ANKRD24: variants seen among roughly 807,000 people sequenced by gnomAD.
ANKRD24 encodes the protein ankyrin repeat domain 24, also known as ankyrin repeat domain-containing protein 24.
ANKRD24 carries 109 observed loss-of-function variants against 127.8 expected under a neutral mutation model. That is an observed-to-expected ratio of 0.85 (90% CI 0.73 to 1.00). The LOEUF (loss-of-function observed/expected upper bound fraction) is 1.00. ANKRD24 is among the 50% of genes least tolerant of loss of function. The pLI, the probability that ANKRD24 is intolerant of heterozygous loss-of-function variation, is 0.00. For missense variants in ANKRD24, 1,648 were observed against 1,570.2 expected (o/e 1.05, Z -0.84); for synonymous variants, 743 against 671.1 (o/e 1.11, Z -1.66).
rs749955664 is a variant in ANKRD24, at chr19:4,219,700, G to T, written c.3113G>T (p.Arg1038Leu). Residue 1038 changes from arginine (R) to leucine (L), a missense_variant, in exon 19 of 22, where the codon CGC (arginine) becomes CTC (leucine). Physicochemically the swap from Arg to Leu is moderately radical, Grantham distance 102 (BLOSUM62 -2). Transcript: ENST00000318934. The part of the protein sequence containing the change: ...RGLRTEAERA[R>L]QAQSRAQEAL... ...CTACGGACCGAGGCGGAAAGGGCTC[G>T]CCAGGCCCAGAGCCGGGCCCAGGAG... 19 of 1,613,594 alleles carry T rather than the reference G, an allele frequency of 1.2e-5. No homozygotes were observed. Among genetic ancestry groups the T allele is most frequent in the Non-Finnish European group, 1.4e-5 (17 of 1,179,786 alleles).
chr19:4,212,569 G>A (rs1215097439), intron 14 of ANKRD24, 31 bp from the exon 15 acceptor site: 1 of 1,548,394 alleles, frequency 6.5e-7, no homozygotes, highest in Non-Finnish European at 8.7e-7. Flanking sequence ...TTTCCTCCCA[G>A]AGGCAGCTGA....
intron 13 of ANKRD24, among the ~76,000 whole-genome samples, 162 bp from the exon 14 acceptor site, chr19:4,212,313 C>T (rs1483606794): frequency 1.3e-5 from 2 of 152,224 alleles, no homozygotes; most frequent in Non-Finnish European, 2.9e-5. Flanking sequence ...TGGTACACAG[C>T]AGGCACTCAA....
intron 2 of ANKRD24, among the ~76,000 whole-genome samples, chr19:4,193,812 G>A (rs540440334): frequency 7.5e-6 from 1 of 133,302 alleles, no homozygotes. Context: ...ACTCCAGCCT[G>A]GGCGACAGAG....
chr19:4,192,186 G>C (rs1968422339), intron 2 of ANKRD24, among the ~76,000 whole-genome samples: 1 of 151,948 alleles, frequency 6.6e-6, no homozygotes, highest in South Asian at 2.1e-4. Flanking sequence ...CCATAAAATG[G>C]GAGTTACCTG....
chr19:4,220,010 G>A (rs1214367015), intron 19 of ANKRD24, among the ~76,000 whole-genome samples: 5 of 152,144 alleles, frequency 3.3e-5, no homozygotes, highest in Non-Finnish European at 5.9e-5. Context: ...ACGGAGTCTC[G>A]CTCTGTCGCC....
chr19:4,193,268 C>T (rs1968485712), intron 2 of ANKRD24, among the ~76,000 whole-genome samples: 3 of 130,340 alleles, frequency 2.3e-5, no homozygotes, highest in South Asian at 2.5e-4. Flanking sequence ...CTCCACTGCA[C>T]TCCAGTCTGG....
At position 4,214,691 on chromosome 19, in the gene ANKRD24, T is replaced by C. The variant is rs112975786; in HGVS notation, c.1198-1287T>C. ...CAACATGGGGAAACCCCATCTCTACTAAAAATACAAAAATTAGCCGGGTGT... is the reference window on the plus strand; with the variant it reads ...CAACATGGGGAAACCCCATCTCTACCAAAAATACAAAAATTAGCCGGGTGT... On this transcript the variant is annotated intron_variant, in intron 15 of 21. Transcript: ENST00000318934. 3.7e-3 allele frequency among the ~76,000 whole-genome samples: 568 copies of C among 151,898 alleles called. 3 individuals carry two copies. The highest frequency in any genetic ancestry group is 0.013 in the African/African-American group (544 of 41,406).
chr19:4,190,018 T>C (rs1173426853), intron 2 of ANKRD24, among the ~76,000 whole-genome samples: 1 of 152,236 alleles, frequency 6.6e-6, no homozygotes, highest in East Asian at 1.9e-4. Flanking sequence ...GCCTACAAAA[T>C]GTGGCATTGG....
chr19:4,197,896 A>G (rs766551488), intron 2 of ANKRD24, among the ~76,000 whole-genome samples: 9 of 152,168 alleles, frequency 5.9e-5, no homozygotes, highest in Non-Finnish European at 8.8e-5. Flanking sequence ...TGAACGAGTG[A>G]GTGAATGAAT....
chr19:4,219,586 C>T lies in ANKRD24; in HGVS notation c.3004-5C>T. The T allele has an allele frequency of 6.2e-7, 1 of 1,602,834 alleles. No homozygotes were observed. The highest frequency in any genetic ancestry group is 2.2e-5 in the East Asian group (1 of 44,614). On this transcript the variant is annotated splice_polypyrimidine_tract_variant and splice_region_variant and intron_variant, in intron 18 of 21. Transcript: ENST00000318934. ...CTGAGAGTCATGCGTGGGCTTGGGC[C>T]ACAGGTGCAGCGTGAGGCCCTGTTC...
At chr19:4,210,176 G>A in intron 12 of ANKRD24, 38 bp downstream of exon 12, 1 of 1,577,906 alleles carries the variant, frequency 6.3e-7, no homozygotes, top group South Asian at 1.2e-5. Context: ...GGCATGGGGA[G>A]CCCCCAGGCA....
At chr19:4,205,146 G>A (rs968067501) in intron 7 of ANKRD24, among the ~76,000 whole-genome samples, 3 of 152,160 alleles carry the variant, frequency 2.0e-5, no homozygotes, top group African/African-American at 7.2e-5. Flanking sequence ...GCTGAGGCAG[G>A]AGAATTGCTT....
In ANKRD24 at chr19:4,195,040, G is replaced by A. The variant is rs188047233; in HGVS notation, c.37-4643G>A. ...TGGAGTGCAGTGGTGCGATCTCGGC[G>A]TGAGCCACCGCGCCCAGGTTTTTGT... On this transcript the variant is annotated intron_variant, in intron 2 of 21. Transcript: ENST00000318934. The surrounding 1 kb of genome is among the most constrained non-coding windows in gnomAD (Gnocchi z 4.2). 4.6e-4 allele frequency among the ~76,000 whole-genome samples: 66 copies of A among 144,752 alleles called. No individual in the cohort carries two copies. Among genetic ancestry groups the A allele is most frequent in the African/African-American group, 1.6e-3 (63 of 39,326 alleles). 95.0% of individuals were successfully genotyped at this position (144,752 alleles called of 152,430 possible). A position where few individuals can be genotyped will look rare whatever the true frequency, so the allele number is the denominator to read the frequency against.
At chr19:4,208,858 C>T (rs1969539612) in intron 11 of ANKRD24, 57 bp downstream of exon 11, 1 of 1,556,530 alleles carries the variant, frequency 6.4e-7, no homozygotes. Flanking sequence ...ACTAACTTCT[C>T]CCCTGCCCCA....
intron 6 of ANKRD24, among the ~76,000 whole-genome samples, chr19:4,202,441 G>A (rs532545093): frequency 2.6e-5 from 4 of 152,132 alleles, no homozygotes; most frequent in African/African-American, 7.2e-5. Context: ...GCGGTGGTGT[G>A]TGCCTGTAAT....
chr19:4,215,391 G>A (rs536076868), intron 15 of ANKRD24, among the ~76,000 whole-genome samples: 19 of 151,586 alleles, frequency 1.3e-4, no homozygotes, highest in African/African-American at 2.4e-5. Context: ...AGGTTGAGGC[G>A]GGAGAATCAC....
chr19:4,208,425 G>A (rs980617778), intron 10 of ANKRD24, among the ~76,000 whole-genome samples: 14 of 152,026 alleles, frequency 9.2e-5, no homozygotes, highest in Admixed American at 3.3e-4. Flanking sequence ...GGTGCCTGCC[G>A]CCTAAGTCCC....
Position 4,216,367 on chromosome 19 carries a change from A to G in ANKRD24, c.1354A>G (p.Thr452Ala). ...GCTGCAGGAACAGGTGGCTGTGCTCACCAGACAGAACCAGGAACTGATGGA... is the reference window on the plus strand; with the variant it reads ...GCTGCAGGAACAGGTGGCTGTGCTCGCCAGACAGAACCAGGAACTGATGGA... ...ASLQEQVAVL[T>A]RQNQELMEKV... The change falls in exon 17 of 22, where the codon ACC becomes GCC. Residue 452 changes from threonine (T) to alanine (A), a missense_variant. Coordinates refer to ENST00000318934, the MANE Select transcript of ANKRD24 (RefSeq NM_001393985.1). 1 of 1,572,794 alleles carries G rather than the reference A, an allele frequency of 6.4e-7. No homozygotes were observed. The highest frequency in any genetic ancestry group is 8.6e-7 in the Non-Finnish European group (1 of 1,159,326).
In ANKRD24 at chr19:4,218,028, G is replaced by T; in HGVS notation, c.2868G>T (p.Arg956=). 1.3e-6 allele frequency: 2 copies of T among 1,557,854 alleles called. No individual in the cohort carries two copies. The highest frequency in any genetic ancestry group is 2.4e-5 in the South Asian group (2 of 84,744). Residue 956 remains arginine, a synonymous_variant, in exon 18 of 22, where the codon CGG becomes CGT. Transcript: ENST00000318934. ...CCCGGCTGCGCGCGGAGCTGGAGCGGGAGCGTGTGTGCAGCGTGGCGCTCT... is the reference window on the plus strand; with the variant it reads ...CCCGGCTGCGCGCGGAGCTGGAGCGTGAGCGTGTGTGCAGCGTGGCGCTCT... ...EAARLRAELE[R]ERVCSVALSE... is the part of the protein sequence containing the mutation.
Sources: gnomAD v4.1 joint callset for allele counts (sites outside exome capture counted in the v4.1 genomes callset) on GRCh38, gnomAD v4.1.1 for gene constraint, Gnocchi (gnomAD v3.1) non-coding constraint, MANE v1.5 for transcripts, NCBI Gene and HGNC (gene_info 2026-07-23, HGNC 2026-07-21) for gene names.